GALNT13: variants seen among roughly 807,000 people sequenced by gnomAD.
GALNT13 encodes the protein UDP-GalNAc:polypeptide N-acetylgalactosaminyltransferase 13.
GALNT13 carries 28 observed loss-of-function variants against 64.2 expected under a neutral mutation model. The observed-to-expected ratio is 0.44, with a 90% CI of 0.32 to 0.60. The LOEUF is 0.60. Ranked by LOEUF, GALNT13 falls within the 20% of genes least tolerant of loss-of-function variation. GALNT13 has a pLI of 0.05. For missense variants in GALNT13, 577 were observed against 669.8 expected (o/e 0.86, Z 1.53); for synonymous variants, 214 against 224.6 (o/e 0.95, Z 0.42).
At chr2:154,382,436 T>C (rs1170318694) in intron 9 of GALNT13, among the ~76,000 whole-genome samples, 1 of 152,104 alleles carries the variant, frequency 6.6e-6, no homozygotes, top group Non-Finnish European at 1.5e-5. Context: ...TTTTGAAGTG[T>C]ATCTTATGTA....
At chr2:154,437,338 C>T in intron 11 of GALNT13, 1 of 241,628 alleles carries the variant, frequency 4.1e-6, no homozygotes, top group Non-Finnish European at 8.1e-6. Flanking sequence ...GGCAACTCTT[C>T]CAAGACTAAC....
At chr2:154,094,962 C>A (rs191419227) in intron 3 of GALNT13, among the ~76,000 whole-genome samples, 11 of 151,800 alleles carry the variant, frequency 7.2e-5, no homozygotes, top group Non-Finnish European at 1.5e-4. Context: ...TGATTAAGTT[C>A]CCAATACCTA....
At chr2:153,931,086 TG>T (rs1690484481) in intron 2 of GALNT13, among the ~76,000 whole-genome samples, 5 of 151,178 alleles carry the variant, frequency 3.3e-5, no homozygotes, top group African/African-American at 9.7e-5. Flanking sequence ...TGTGTGTGTG[TG>T]TGTGTGTGTG....
At chr2:153,680,335 C>G in the GALNT13 span, among the ~76,000 whole-genome samples, 1 of 151,606 alleles carries the variant, frequency 6.6e-6, no homozygotes, top group East Asian at 1.9e-4. Context: ...TTCTACTACC[C>G]TATGGGAAAT....
chr2:154,283,637 TAA>T (rs1339645382), intron 8 of GALNT13, among the ~76,000 whole-genome samples: 1 of 152,004 alleles, frequency 6.6e-6, no homozygotes, highest in African/African-American at 2.4e-5. Flanking sequence ...TGCTTTTTCT[TAA>T]AGAGATAACA....
At chr2:153,715,503 C>G in the GALNT13 span, among the ~76,000 whole-genome samples, 1 of 152,228 alleles carries the variant, frequency 6.6e-6, no homozygotes, top group Admixed American at 6.5e-5. Flanking sequence ...GGCTTTGCAG[C>G]CTTGCAGTTC....
the GALNT13 span, among the ~76,000 whole-genome samples, chr2:153,796,494 A>G: frequency 6.6e-6 from 1 of 152,228 alleles, no homozygotes. Context: ...TTGAAGCTCT[A>G]TTTTATCAAT....
Position 154,331,993 on chromosome 2 carries a change from G to A in GALNT13, c.1156+30404G>A, listed in dbSNP as rs1000537769. Among the ~76,000 whole-genome samples, 8 of 152,042 alleles carry A rather than the reference G, an allele frequency of 5.3e-5. No individual in the cohort carries two copies. The East Asian group carries it at 5.8e-4, about 11-fold the overall frequency. On this transcript the variant is annotated intron_variant, in intron 9 of 12. Coordinates refer to ENST00000392825, the MANE Select transcript of GALNT13 (RefSeq NM_052917.4). ...TTGAATAGCAATGTGCTGTCTCCAC[G>A]TGATCTATTTCAGGCTTTAATGCTG...
chr2:153,567,029 G>T, the GALNT13 span, among the ~76,000 whole-genome samples: 25,682 of 152,036 alleles, frequency 0.17, 2,971 homozygotes, highest in East Asian at 0.32. Flanking sequence ...TGACATATTT[G>T]TCCTTTTATA....
the GALNT13 span, among the ~76,000 whole-genome samples, chr2:153,536,517 T>C: frequency 0.028 from 4,288 of 152,268 alleles, 185 homozygotes; most frequent in African/African-American, 0.097. Context: ...TGATGACTTG[T>C]AAGCTCCTTA....
At chr2:153,638,708 T>C in the GALNT13 span, among the ~76,000 whole-genome samples, 1 of 152,034 alleles carries the variant, frequency 6.6e-6, no homozygotes, top group Non-Finnish European at 1.5e-5. Flanking sequence ...ATGGCCACTG[T>C]CACAGGTAGG....
At chr2:153,425,801 C>T in the GALNT13 span, among the ~76,000 whole-genome samples, 3 of 151,826 alleles carry the variant, frequency 2.0e-5, no homozygotes, top group Non-Finnish European at 4.4e-5. Context: ...GTTACAAAGG[C>T]ATGATGAACA....
the GALNT13 span, among the ~76,000 whole-genome samples, chr2:153,522,618 TGGA>T: frequency 3.9e-5 from 6 of 152,310 alleles, no homozygotes; most frequent in South Asian, 1.2e-3. Context: ...AAGACATATG[TGGA>T]GCATCTTTTC....
chr2:154,445,853 C>G, intron 12 of GALNT13: 1 of 1,287,350 alleles, frequency 7.8e-7, no homozygotes. Context: ...ATGTAGGTGG[C>G]CATAGTCTGT....
intron 3 of GALNT13, among the ~76,000 whole-genome samples, chr2:154,033,855 C>G (rs538278979): frequency 1.3e-5 from 2 of 152,268 alleles, no homozygotes; most frequent in Non-Finnish European, 2.9e-5. Context: ...AAGAGAATCT[C>G]TTGAACCCGG....
chr2:153,540,126 G>A, the GALNT13 span, among the ~76,000 whole-genome samples: 5 of 152,290 alleles, frequency 3.3e-5, no homozygotes, highest in East Asian at 1.9e-4. Flanking sequence ...GGAATAAATC[G>A]GTTCTGTGGG....
intron 3 of GALNT13, among the ~76,000 whole-genome samples, chr2:154,136,088 G>A (rs143792161): frequency 6.6e-6 from 1 of 152,106 alleles, no homozygotes; most frequent in East Asian, 1.9e-4. Context: ...AAATATGAGA[G>A]GGACTAAAAG....
the GALNT13 span, among the ~76,000 whole-genome samples, chr2:153,328,274 TG>T: frequency 3.9e-5 from 6 of 152,128 alleles, no homozygotes; most frequent in Admixed American, 6.6e-5. Flanking sequence ...TCAGGAGGCA[TG>T]GGGGTCAGGG....
the GALNT13 span, among the ~76,000 whole-genome samples, chr2:153,703,657 C>T: frequency 2.6e-5 from 4 of 152,090 alleles, no homozygotes; most frequent in Non-Finnish European, 5.9e-5. Context: ...TCCTTGATAT[C>T]TGTTTCTTCT....
Sources: gnomAD v4.1 joint callset for allele counts (sites outside exome capture counted in the v4.1 genomes callset) on GRCh38, gnomAD v4.1.1 for gene constraint, MANE v1.5 for transcripts, NCBI Gene and HGNC (gene_info 2026-07-23, HGNC 2026-07-21) for gene names.